The following SYT1 variants were observed in gnomAD, a reference collection of about 807,000 sequenced individuals.
SYT1 encodes synaptotagmin-1.
Under a neutral mutation model 44.8 loss-of-function variants are expected in SYT1, and 8 were observed. That is an observed-to-expected ratio of 0.18 (90% CI 0.10 to 0.32). The LOEUF (loss-of-function observed/expected upper bound fraction) is 0.32. SYT1 is among the 10% of genes least tolerant of loss of function. SYT1 has a pLI of 1.00. For missense variants in SYT1, 286 were observed against 509.3 expected, an observed-to-expected ratio of 0.56 and a Z score of 4.22; for synonymous variants, 154 against 188.8, an observed-to-expected ratio of 0.82 and a Z score of 1.51.
intron 3 of SYT1, among the ~76,000 whole-genome samples, chr12:79,175,632 G>A (rs1207862402): frequency 2.0e-5 from 3 of 152,034 alleles, no homozygotes; most frequent in African/African-American, 7.2e-5. Context: ...GAATCTCCAT[G>A]GTAAATTAGC....
chr12:78,918,439 T>A (rs1876792418), intron 1 of SYT1, among the ~76,000 whole-genome samples: 1 of 152,058 alleles, frequency 6.6e-6, no homozygotes. Context: ...GTTGACTGAT[T>A]GAGGGAATTA....
chr12:78,885,177 C>T (rs1592524295), intron 1 of SYT1, among the ~76,000 whole-genome samples: 1 of 150,790 alleles, frequency 6.6e-6, no homozygotes, highest in Non-Finnish European at 1.5e-5. Flanking sequence ...TATTTACCCT[C>T]AAATAACTTA....
intron 4 of SYT1, among the ~76,000 whole-genome samples, chr12:79,267,071 T>G (rs1479783178): frequency 1.3e-5 from 2 of 152,168 alleles, no homozygotes; most frequent in African/African-American, 4.8e-5. Context: ...CGTCCTCACT[T>G]GTTTCTAGAA....
chr12:78,992,462 T>C (rs1333485858), intron 2 of SYT1, among the ~76,000 whole-genome samples: 1 of 152,058 alleles, frequency 6.6e-6, no homozygotes, highest in Non-Finnish European at 1.5e-5. Flanking sequence ...TTGAATAAAA[T>C]AGAATAGAAA....
chr12:78,924,865 C>T (rs908870632), intron 1 of SYT1, among the ~76,000 whole-genome samples: 1 of 151,256 alleles, frequency 6.6e-6, no homozygotes, highest in Non-Finnish European at 1.5e-5. Context: ...CCTAAAATTC[C>T]TTTATTCCTT....
chr12:78,999,254 C>A (rs1009349057), intron 2 of SYT1, among the ~76,000 whole-genome samples: 4 of 152,124 alleles, frequency 2.6e-5, no homozygotes, highest in Non-Finnish European at 4.4e-5. Flanking sequence ...ACTTCATTTG[C>A]AACATTCTCT....
intron 2 of SYT1, among the ~76,000 whole-genome samples, chr12:79,004,759 G>T (rs1870965794): frequency 6.6e-6 from 1 of 151,764 alleles, no homozygotes; most frequent in Admixed American, 6.6e-5. Context: ...ACATTATCAA[G>T]AAAATATTAT....
chr12:78,888,280 AC>A (rs1414907365), intron 1 of SYT1, among the ~76,000 whole-genome samples: 1 of 151,794 alleles, frequency 6.6e-6, no homozygotes, highest in Non-Finnish European at 1.5e-5. Flanking sequence ...CAATTCTTAG[AC>A]CTCATCTTCA....
intron 2 of SYT1, among the ~76,000 whole-genome samples, chr12:79,044,099 T>C (rs1275313431): frequency 2.6e-5 from 4 of 151,978 alleles, no homozygotes; most frequent in Non-Finnish European, 5.9e-5. Flanking sequence ...CTGACAATTA[T>C]GTGTCTTGGA....
intron 3 of SYT1, among the ~76,000 whole-genome samples, chr12:79,118,641 T>C (rs1879427487): frequency 6.6e-6 from 1 of 152,072 alleles, no homozygotes; most frequent in Non-Finnish European, 1.5e-5. Flanking sequence ...TAGTCAATCA[T>C]TGTACATGTG....
chr12:79,084,204 A>G (rs1414500982), intron 3 of SYT1, among the ~76,000 whole-genome samples: 1 of 152,172 alleles, frequency 6.6e-6, no homozygotes, highest in Non-Finnish European at 1.5e-5. Context: ...ATGTACTAAT[A>G]TTGCCTATAT....
At chr12:79,152,265 T>A (rs1272485283) in intron 3 of SYT1, among the ~76,000 whole-genome samples, 1 of 152,126 alleles carries the variant, frequency 6.6e-6, no homozygotes, top group African/African-American at 2.4e-5. Flanking sequence ...GATGTAGATA[T>A]GTTACAGAAT....
chr12:79,348,085 G>C (rs927591934), intron 8 of SYT1, among the ~76,000 whole-genome samples: 5 of 152,098 alleles, frequency 3.3e-5, no homozygotes, highest in African/African-American at 1.2e-4. Flanking sequence ...GGATACGAAG[G>C]GGGCAGATCA....
intron 2 of SYT1, among the ~76,000 whole-genome samples, chr12:79,045,298 G>C (rs969666889): frequency 2.0e-5 from 3 of 152,240 alleles, no homozygotes; most frequent in Non-Finnish European, 4.4e-5. Flanking sequence ...GACCCGCCGA[G>C]CCAGGTGCGG....
chr12:79,025,264 T>C (rs575284357), intron 2 of SYT1, among the ~76,000 whole-genome samples: 2 of 151,934 alleles, frequency 1.3e-5, no homozygotes, highest in South Asian at 4.1e-4. Context: ...TTAGTTTTAC[T>C]TCAATGTGAA....
chr12:79,443,947 T>C, intron 9 of SYT1, 126 bp from the exon 10 acceptor site: 1 of 1,030,710 alleles, frequency 9.7e-7, no homozygotes, highest in Non-Finnish European at 1.4e-6. Flanking sequence ...AGTATTGAAT[T>C]TAAAAAATAT....
At chr12:78,939,623 A>G (rs1878244192) in intron 1 of SYT1, among the ~76,000 whole-genome samples, 2 of 152,206 alleles carry the variant, frequency 1.3e-5, no homozygotes, top group South Asian at 4.1e-4. Context: ...AGTTTAAACT[A>G]ACTTCCACAC....
At chr12:79,172,934 C>T (rs1327011247) in intron 3 of SYT1, among the ~76,000 whole-genome samples, 1 of 106,712 alleles carries the variant, frequency 9.4e-6, no homozygotes, top group Non-Finnish European at 1.7e-5. Flanking sequence ...CAAGATACTA[C>T]TACATGTAAT....
chr12:79,326,238 CAGAG>C (rs1881602394), intron 8 of SYT1, among the ~76,000 whole-genome samples: 2 of 152,170 alleles, frequency 1.3e-5, no homozygotes, highest in South Asian at 4.1e-4. Flanking sequence ...GCTATTCACT[CAGAG>C]AGGCCTGTGA....
Sources: gnomAD v4.1 joint callset for allele counts (sites outside exome capture counted in the v4.1 genomes callset) on GRCh38, gnomAD v4.1.1 for gene constraint, MANE v1.5 for transcripts, NCBI Gene and HGNC (gene_info 2026-07-23, HGNC 2026-07-21) for gene names.